SP100: variants seen among roughly 807,000 people sequenced by gnomAD.
The protein encoded by SP100 is SP100 nuclear body protein.
In SP100, 84 loss-of-function variants were observed where a neutral mutation model predicts 130.0. The observed-to-expected ratio is 0.65, with a 90% CI of 0.54 to 0.77. SP100 has a LOEUF of 0.77. Ranked by LOEUF, SP100 falls within the 30% of genes least tolerant of loss-of-function variation. SP100 has a pLI of 0.00. For synonymous variants in SP100, 331 were observed against 351.7 expected (o/e 0.94, Z 0.66); for missense variants, 978 against 1,052.2 (o/e 0.93, Z 0.97).
intron 17 of SP100, among the ~76,000 whole-genome samples, chr2:230,493,107 TA>T (rs1379132196): frequency 2.0e-5 from 3 of 152,266 alleles, no homozygotes; most frequent in African/African-American, 7.2e-5. Context: ...TTTCAATTTA[TA>T]TTATAATTCC....
chr2:230,491,250 T>G (rs1351046110), intron 17 of SP100, among the ~76,000 whole-genome samples: 2 of 152,350 alleles, frequency 1.3e-5, no homozygotes, highest in East Asian at 3.9e-4. Context: ...CTGCACGGAT[T>G]CCTCAGAACT....
In SP100 at chr2:230,417,502, A is replaced by G. The variant is rs545544548; in HGVS notation, c.33-89A>G. On this transcript the variant is annotated intron_variant, in intron 1 of 28. Transcript: ENST00000340126. ...TTTTTGGGTTTTTACATCTAAACAA[A>G]TATTTATCTTGTCTCTAAACCTTAA... 13 of 1,500,324 alleles carry G rather than the reference A, an allele frequency of 8.7e-6. No homozygotes were observed. In the South Asian group the frequency reaches 1.6e-4, roughly 19 times the overall value. 92.9% of individuals were successfully genotyped at this position (1,500,324 alleles called of 1,614,324 possible).
chr2:230,451,516 T>C (rs2063983731), intron 8 of SP100, among the ~76,000 whole-genome samples: 1 of 152,264 alleles, frequency 6.6e-6, no homozygotes, highest in Admixed American at 6.5e-5. Context: ...TATTGAGTTG[T>C]TTGAGCTCCT....
At chr2:230,472,633 T>C (rs924374498) in intron 15 of SP100, among the ~76,000 whole-genome samples, 7 of 151,584 alleles carry the variant, frequency 4.6e-5, no homozygotes, top group Non-Finnish European at 1.5e-5. Context: ...AAGAAGTATG[T>C]AGAGAAAGAA....
Position 230,442,925 on chromosome 2 carries a change from C to T in SP100, c.108-12C>T, listed in dbSNP as rs760936990. 1 of 1,610,478 alleles carries T rather than the reference C, an allele frequency of 6.2e-7. No individual in the cohort carries two copies. The highest frequency in any genetic ancestry group is 8.5e-7 in the Non-Finnish European group (1 of 1,178,524). ...TTGATGACCATTTTCACATGGTGTCCTTTTTCCCTAGGATGTTCACGGAAG... is the reference window on the plus strand; with the variant it reads ...TTGATGACCATTTTCACATGGTGTCTTTTTTCCCTAGGATGTTCACGGAAG... On this transcript the variant is annotated splice_polypyrimidine_tract_variant and intron_variant, in intron 2 of 28. Transcript: ENST00000340126.
At chr2:230,441,924 C>G (rs1332943714) in intron 2 of SP100, among the ~76,000 whole-genome samples, 1 of 152,212 alleles carries the variant, frequency 6.6e-6, no homozygotes, top group Admixed American at 6.5e-5. Context: ...TTTCTGACCA[C>G]TTTTCACCTT....
intron 24 of SP100, 103 bp from the exon 25 acceptor site, chr2:230,539,164 A>T: frequency 1.4e-6 from 1 of 707,882 alleles, no homozygotes; most frequent in African/African-American, 1.7e-5. Context: ...TAATATTTTG[A>T]GGACAGAAAT....
intron 24 of SP100, among the ~76,000 whole-genome samples, chr2:230,516,837 AC>A (rs1690940297): frequency 6.6e-6 from 1 of 152,202 alleles, no homozygotes; most frequent in Admixed American, 6.5e-5. Context: ...TATTTTGATT[AC>A]CTGCAGCATT....
intron 24 of SP100, chr2:230,516,189 T>C (rs1275947977): frequency 4.3e-6 from 2 of 464,090 alleles, no homozygotes; most frequent in African/African-American, 2.1e-5. Context: ...AACAATCTTG[T>C]CATACTTGAA....
intron 24 of SP100, among the ~76,000 whole-genome samples, chr2:230,536,963 A>G (rs1275620519): frequency 6.6e-6 from 1 of 152,218 alleles, no homozygotes; most frequent in Non-Finnish European, 1.5e-5. Context: ...TTTTGCTGTA[A>G]GAATGCCATG....
chr2:230,451,885 T>C (rs1298595010), intron 8 of SP100, among the ~76,000 whole-genome samples: 1 of 152,234 alleles, frequency 6.6e-6, no homozygotes, highest in African/African-American at 2.4e-5. Context: ...ACACCATTTA[T>C]TAAAGAGATA....
intron 2 of SP100, among the ~76,000 whole-genome samples, chr2:230,421,132 C>A (rs1452221507): frequency 6.8e-6 from 1 of 147,880 alleles, no homozygotes. Flanking sequence ...CATCCTCCCG[C>A]CCCTCCCCGC....
chr2:230,521,991 AG>A (rs1394203146), intron 24 of SP100, among the ~76,000 whole-genome samples: 6 of 152,216 alleles, frequency 3.9e-5, no homozygotes, highest in Non-Finnish European at 7.3e-5. Flanking sequence ...TGGCTGAGAA[AG>A]GGAAACACCC....
intron 25 of SP100, 28 bp downstream of exon 25, chr2:230,539,410 G>A: frequency 2.0e-6 from 3 of 1,512,358 alleles, no homozygotes; most frequent in Non-Finnish European, 2.8e-6. Context: ...CCTTCCCTGA[G>A]CCCTTCCTTC....
intron 24 of SP100, chr2:230,514,918 C>A: frequency 1.9e-6 from 2 of 1,029,856 alleles, no homozygotes; most frequent in East Asian, 2.6e-5. Flanking sequence ...AAAAAACCTA[C>A]AAGAGATTGC....
intron 8 of SP100, among the ~76,000 whole-genome samples, chr2:230,457,753 T>C (rs112164142): frequency 1.3e-5 from 2 of 152,188 alleles, no homozygotes; most frequent in Non-Finnish European, 2.9e-5. Context: ...GGTATTTTCA[T>C]GCATAGGTCG....
intron 5 of SP100, among the ~76,000 whole-genome samples, chr2:230,448,375 A>G (rs2063806745): frequency 6.6e-6 from 1 of 152,186 alleles, no homozygotes; most frequent in Admixed American, 6.5e-5. Flanking sequence ...AATGCTCATG[A>G]CAGCCATTGG....
chr2:230,510,977 A>C, intron 23 of SP100, 148 bp from the exon 24 acceptor site: 1 of 676,818 alleles, frequency 1.5e-6, no homozygotes, highest in South Asian at 1.7e-5. Flanking sequence ...TTTATTCTTC[A>C]GTTAGATGTA....
intron 5 of SP100, 88 bp downstream of exon 5, chr2:230,446,990 G>A: frequency 2.6e-6 from 2 of 770,266 alleles, no homozygotes; most frequent in South Asian, 3.3e-5. Flanking sequence ...GAAGACATAT[G>A]GAAGGACTAT....
Sources: gnomAD v4.1 joint callset for allele counts (sites outside exome capture counted in the v4.1 genomes callset) on GRCh38, gnomAD v4.1.1 for gene constraint, MANE v1.5 for transcripts, NCBI Gene and HGNC (gene_info 2026-07-23, HGNC 2026-07-21) for gene names.